The following LACTB2 variants were observed in gnomAD, a reference collection of about 807,000 sequenced individuals.
The protein encoded by LACTB2 is endoribonuclease LACTB2.
LACTB2 carries 32 observed loss-of-function variants against 34.8 expected under a neutral mutation model. The observed-to-expected ratio is 0.92, with a 90% CI of 0.69 to 1.24. The LOEUF is 1.24. LACTB2 is among the 50% of genes most tolerant of loss of function. The probability of loss-of-function intolerance (pLI) is 0.00; values close to 1 mark genes in which losing one functional copy is unlikely to be tolerated. For synonymous variants in LACTB2, 120 were observed against 117.5 expected (o/e 1.02, Z -0.14); for missense variants, 320 against 345.0 (o/e 0.93, Z 0.57).
intron 3 of LACTB2, among the ~76,000 whole-genome samples, chr8:70,656,930 GTAATCC>G (rs1189084931): frequency 6.6e-6 from 1 of 152,134 alleles, no homozygotes; most frequent in African/African-American, 2.4e-5. Context: ...GCAGTGCAAG[GTAATCC>G]TGAAGCCTCT....
intron 1 of LACTB2, 130 bp downstream of exon 1, chr8:70,668,869 T>G: frequency 1.6e-6 from 2 of 1,275,206 alleles, no homozygotes; most frequent in East Asian, 2.8e-5. Flanking sequence ...CCGACGGGGC[T>G]GCTAGGCGCG....
At chr8:70,658,373 A>G (rs1400741054) in intron 2 of LACTB2, among the ~76,000 whole-genome samples, 1 of 152,212 alleles carries the variant, frequency 6.6e-6, no homozygotes, top group Admixed American at 6.5e-5. Context: ...CCTTTAAAAT[A>G]AGCTAAATCT....
chr8:70,654,297 G>A (rs551034596), intron 3 of LACTB2, among the ~76,000 whole-genome samples: 1 of 152,148 alleles, frequency 6.6e-6, no homozygotes, highest in Admixed American at 6.5e-5. Flanking sequence ...ATATGCCCAG[G>A]AATATTTGTA....
At chr8:70,638,457 G>T in intron 6 of LACTB2, 91 bp downstream of exon 6, 1 of 1,327,306 alleles carries the variant, frequency 7.5e-7, no homozygotes, top group Non-Finnish European at 1.0e-6. Flanking sequence ...GGAGAACTCT[G>T]ATGGGTATTA....
In LACTB2 at chr8:70,661,800, C is replaced by A. The variant is rs138363008; in HGVS notation, c.220G>T (p.Val74Leu). 1.2e-6 allele frequency: 2 copies of A among 1,613,584 alleles called. No homozygotes were observed. Among genetic ancestry groups the A allele is most frequent in the African/African-American group, 1.3e-5 (1 of 74,856 alleles). Reference protein sequence around the residue: ...TEFNTAIQEIVVTHWHRDHSG... With the variant: ...TEFNTAIQEILVTHWHRDHSG... ...TGATCTCGGTGCCAGTGAGTCACTA[C>A]AATTTCCTGGATTGCTGTGTTAAAT... Residue 74 changes from valine to leucine, a missense_variant, in exon 2 of 7, where the codon GTA becomes TTA. Physicochemically the swap from Val to Leu is conservative, Grantham distance 32. Transcript: ENST00000276590.
chr8:70,661,496 C>A (rs1453586511), intron 2 of LACTB2: 2 of 392,760 alleles, frequency 5.1e-6, no homozygotes, highest in African/African-American at 4.1e-5. Flanking sequence ...ATGATTAAGT[C>A]TGAATAGTAA....
intron 5 of LACTB2, among the ~76,000 whole-genome samples, chr8:70,638,928 C>T (rs1275657166): frequency 6.6e-6 from 1 of 151,376 alleles, no homozygotes; most frequent in Non-Finnish European, 1.5e-5. Flanking sequence ...TTAGTAGAGA[C>T]GGGGTTTCAC....
chr8:70,642,775 C>T (rs757404464), intron 4 of LACTB2, among the ~76,000 whole-genome samples: 17 of 152,096 alleles, frequency 1.1e-4, no homozygotes, highest in South Asian at 2.1e-4. Context: ...TGAGCCACTG[C>T]GCCTGGCCAT....
rs753642367 is a variant in LACTB2 at position 70,641,062 on chromosome 8, T to C, written c.593-12A>G. The C allele has an allele frequency of 5.7e-6, 9 of 1,584,802 alleles. No individual in the cohort carries two copies. The Admixed American group carries it at 1.7e-4, about 30-fold the overall frequency. ...TACTGGGCCATGTCCTGAATTAAAA[T>C]AATTATAAGAGTTACTTCAGTCAGA... On this transcript the variant is annotated splice_polypyrimidine_tract_variant and intron_variant, in intron 4 of 6. Transcript: ENST00000276590.
At chr8:70,643,724 A>G (rs1483734327) in intron 4 of LACTB2, among the ~76,000 whole-genome samples, 2 of 152,118 alleles carry the variant, frequency 1.3e-5, no homozygotes, top group African/African-American at 4.8e-5. Context: ...CATGTTGGCC[A>G]GGCTGGTCTT....
At chr8:70,640,521 C>T (rs757812844) in intron 5 of LACTB2, 1 of 153,084 alleles carries the variant, frequency 6.5e-6, no homozygotes, top group African/African-American at 2.4e-5. Flanking sequence ...TGTTAACATT[C>T]CAATATTTGT....
intron 2 of LACTB2, chr8:70,661,339 A>G: frequency 3.5e-6 from 1 of 283,968 alleles, no homozygotes; most frequent in Non-Finnish European, 6.9e-6. Context: ...CCTGAATTTC[A>G]GCATATCTTA....
intron 3 of LACTB2, chr8:70,653,766 G>A (rs1311298932): frequency 6.6e-6 from 1 of 152,042 alleles, no homozygotes; most frequent in Non-Finnish European, 1.5e-5. Context: ...CAGAAGACTT[G>A]GTCCATGAAA....
At chr8:70,640,854 A>C (rs747097287) in intron 5 of LACTB2, 48 bp downstream of exon 5, 1 of 1,489,316 alleles carries the variant, frequency 6.7e-7, no homozygotes, top group East Asian at 2.4e-5. Context: ...TAAATAGATA[A>C]TTCTAATAAA....
At chr8:70,665,163 T>G (rs1052983167) in intron 1 of LACTB2, among the ~76,000 whole-genome samples, 1 of 152,242 alleles carries the variant, frequency 6.6e-6, no homozygotes, top group Non-Finnish European at 1.5e-5. Flanking sequence ...CATGGGCTAG[T>G]TGACTTTGTT....
intron 1 of LACTB2, among the ~76,000 whole-genome samples, chr8:70,668,212 CTT>C (rs149021641): frequency 0.017 from 2,590 of 152,244 alleles, 38 homozygotes; most frequent in South Asian, 0.031. Context: ...TAATTTATGT[CTT>C]GACTGCACAA....
chr8:70,667,267 C>A (rs1442366234), intron 1 of LACTB2, among the ~76,000 whole-genome samples: 2 of 152,110 alleles, frequency 1.3e-5, no homozygotes, highest in Non-Finnish European at 2.9e-5. Context: ...CAGAAAAATA[C>A]CATTGGGGTT....
In LACTB2 at chr8:70,649,674, A is replaced by G. The variant is rs188193345; in HGVS notation, c.414-5431T>C. ...CTAATTTTTTCTTAGTGGAAAGTTA[A>G]TATCTCAAATTGAAAAATAAGATGT... On this transcript the variant is annotated intron_variant, in intron 3 of 6. Coordinates refer to ENST00000276590, the MANE Select transcript of LACTB2 (RefSeq NM_016027.3). 8.1e-4 allele frequency among the ~76,000 whole-genome samples: 123 copies of G among 152,332 alleles called. 2 individuals carry two copies. In the East Asian group the frequency reaches 0.019, roughly 23 times the overall value.
chr8:70,657,953 T>C (rs968408779), intron 2 of LACTB2, 71 bp from the exon 3 acceptor site: 11 of 993,660 alleles, frequency 1.1e-5, no homozygotes, highest in African/African-American at 1.0e-4. Flanking sequence ...TCAACTTTCA[T>C]AGAGCTAACA....
Sources: allele counts gnomAD v4.1 joint callset (sites outside exome capture counted in the v4.1 genomes callset), GRCh38; gene constraint gnomAD v4.1.1; transcripts MANE v1.5; gene names NCBI Gene and HGNC (gene_info 2026-07-23, HGNC 2026-07-21).